The following CDYL2 variants were observed in gnomAD, a reference collection of about 807,000 sequenced individuals.
The protein encoded by CDYL2 is chromodomain Y like 2.
In CDYL2, 23 loss-of-function variants were observed where a neutral mutation model predicts 49.4. The observed-to-expected ratio is 0.47, with a 90% CI of 0.34 to 0.66. The LOEUF is 0.66. CDYL2 is among the 30% of genes least tolerant of loss of function. CDYL2 has a pLI of 0.01. For missense variants in CDYL2, 678 were observed against 656.4 expected, an observed-to-expected ratio of 1.03 and a Z score of -0.36; for synonymous variants, 360 against 268.8, an observed-to-expected ratio of 1.34 and a Z score of -3.32.
chr16:80,792,300 T>C (rs1389815297), intron 1 of CDYL2, among the ~76,000 whole-genome samples: 1 of 152,002 alleles, frequency 6.6e-6, no homozygotes, highest in East Asian at 1.9e-4. Context: ...CATGAGAAAC[T>C]GCAATGTTTA....
intron 1 of CDYL2, among the ~76,000 whole-genome samples, chr16:80,716,531 G>A (rs1382594036): frequency 6.6e-6 from 1 of 151,978 alleles, no homozygotes; most frequent in African/African-American, 2.4e-5. Flanking sequence ...TGGATGACTG[G>A]ATGAATAGAT....
intron 1 of CDYL2, among the ~76,000 whole-genome samples, chr16:80,724,133 G>A (rs989270042): frequency 6.7e-6 from 1 of 148,616 alleles, no homozygotes; most frequent in African/African-American, 2.5e-5. Context: ...GAAAGAAAGA[G>A]GAGATAAAAA....
At chr16:80,777,039 C>G (rs1907108576) in intron 1 of CDYL2, among the ~76,000 whole-genome samples, 1 of 151,876 alleles carries the variant, frequency 6.6e-6, no homozygotes, top group African/African-American at 2.4e-5. Flanking sequence ...CCAGGCTGGT[C>G]TCGACCTCCT....
intron 1 of CDYL2, among the ~76,000 whole-genome samples, chr16:80,766,798 A>G (rs1298048796): frequency 2.6e-5 from 4 of 152,220 alleles, no homozygotes; most frequent in Non-Finnish European, 5.9e-5. Context: ...CAAAATGGAG[A>G]GTAGCATTTA....
chr16:80,729,596 C>T (rs542919410), intron 1 of CDYL2, among the ~76,000 whole-genome samples: 12 of 152,184 alleles, frequency 7.9e-5, no homozygotes, highest in African/African-American at 2.6e-4. Context: ...CTGCACCAAG[C>T]AGACCTAATA....
At chr16:80,723,094 C>G (rs1362853364) in intron 1 of CDYL2, among the ~76,000 whole-genome samples, 1 of 152,180 alleles carries the variant, frequency 6.6e-6, no homozygotes, top group African/African-American at 2.4e-5. Context: ...GGACTATGTA[C>G]CCACCACAGG....
intron 2 of CDYL2, among the ~76,000 whole-genome samples, chr16:80,652,333 A>AAAAGAGCTG (rs1369953513): frequency 6.6e-6 from 1 of 152,246 alleles, no homozygotes; most frequent in East Asian, 1.9e-4. Flanking sequence ...CGAGCCACCT[A>AAAAGAGCTG]AAAGAGCTGT....
At chr16:80,631,104 G>A (rs778001835) in intron 3 of CDYL2, among the ~76,000 whole-genome samples, 3 of 152,204 alleles carry the variant, frequency 2.0e-5, no homozygotes, top group Admixed American at 6.5e-5. Flanking sequence ...ACAAAAGGGC[G>A]AGCAAGAACA....
chr16:80,770,990 C>T (rs1005100814), intron 1 of CDYL2, among the ~76,000 whole-genome samples: 2 of 152,108 alleles, frequency 1.3e-5, no homozygotes, highest in Non-Finnish European at 2.9e-5. Flanking sequence ...ACTGGGAATC[C>T]CACTGGGACC....
At chr16:80,696,901 G>C (rs1312094454) in intron 1 of CDYL2, among the ~76,000 whole-genome samples, 2 of 152,148 alleles carry the variant, frequency 1.3e-5, no homozygotes, top group Admixed American at 6.5e-5. Flanking sequence ...GGAGGTGGAA[G>C]TGAGAGAATC....
At chr16:80,663,058 A>G (rs1032136162) in intron 2 of CDYL2, among the ~76,000 whole-genome samples, 5 of 147,920 alleles carry the variant, frequency 3.4e-5, no homozygotes, top group Non-Finnish European at 7.6e-5. Context: ...ACATAGGGGA[A>G]AAAAGCAAGA....
chr16:80,699,708 G>C (rs1390345635), intron 1 of CDYL2, among the ~76,000 whole-genome samples: 1 of 152,108 alleles, frequency 6.6e-6, no homozygotes, highest in Admixed American at 6.5e-5. Flanking sequence ...TGTTTGAAGG[G>C]ATGGATATGC....
chr16:80,748,701 A>G (rs1023901096), intron 1 of CDYL2, among the ~76,000 whole-genome samples: 4 of 151,864 alleles, frequency 2.6e-5, no homozygotes, highest in Non-Finnish European at 2.9e-5. Flanking sequence ...AGCACCCCTC[A>G]CCCACCATCT....
chr16:80,660,143 C>G (rs1487460648), intron 2 of CDYL2, among the ~76,000 whole-genome samples: 1 of 151,706 alleles, frequency 6.6e-6, no homozygotes, highest in Non-Finnish European at 1.5e-5. Context: ...TGTTCTAACA[C>G]CAAGAAAATT....
chr16:80,768,013 C>A (rs144573387), intron 1 of CDYL2, among the ~76,000 whole-genome samples: 116 of 152,268 alleles, frequency 7.6e-4, no homozygotes, highest in African/African-American at 2.6e-3. Flanking sequence ...CCTATCAATC[C>A]TGTTTGTTAG....
At chr16:80,698,563 G>A (rs553826571) in intron 1 of CDYL2, among the ~76,000 whole-genome samples, 3 of 152,256 alleles carry the variant, frequency 2.0e-5, no homozygotes, top group East Asian at 3.9e-4. Context: ...AGTGTTAGAG[G>A]TGGGGCTTGG....
At chr16:80,652,080 T>G (rs1908607770) in intron 2 of CDYL2, among the ~76,000 whole-genome samples, 1 of 152,220 alleles carries the variant, frequency 6.6e-6, no homozygotes, top group African/African-American at 2.4e-5. Context: ...TATACCCATG[T>G]GTATTGCCAT....
At chr16:80,618,774 AG>A (rs1322270984) in intron 4 of CDYL2, among the ~76,000 whole-genome samples, 6 of 152,180 alleles carry the variant, frequency 3.9e-5, no homozygotes, top group African/African-American at 1.4e-4. Context: ...CATCCAGCAA[AG>A]GTGAAGAGCT....
intron 2 of CDYL2, among the ~76,000 whole-genome samples, chr16:80,644,582 G>A (rs915029569): frequency 6.6e-6 from 1 of 152,156 alleles, no homozygotes; most frequent in African/African-American, 2.4e-5. Context: ...GGCAGCATGC[G>A]AAAGGCACAT....
Sources: gnomAD v4.1 joint callset for allele counts (sites outside exome capture counted in the v4.1 genomes callset) on GRCh38, gnomAD v4.1.1 for gene constraint, MANE v1.5 for transcripts, NCBI Gene and HGNC (gene_info 2026-07-23, HGNC 2026-07-21) for gene names.